UGT1A10: variants seen among roughly 807,000 people sequenced by gnomAD.
UGT1A10 encodes the protein UDP glucuronosyltransferase family 1 member A10, also known as UDP-glucuronosyltransferase 1A10.
A neutral mutation model predicts 45.8 loss-of-function variants in UGT1A10; 49 were observed. That is an observed-to-expected ratio of 1.07 (90% CI 0.85 to 1.36). UGT1A10 has a LOEUF of 1.36. Among genes scored for constraint, UGT1A10 ranks in the 40% most tolerant of loss-of-function variants. The pLI, the probability that UGT1A10 is intolerant of heterozygous loss-of-function variation, is 0.00. For missense variants in UGT1A10, 745 were observed against 668.6 expected (o/e 1.11, Z -1.26); for synonymous variants, 284 against 249.7 (o/e 1.14, Z -1.29).
At chr2:233,672,086 G>A in intron 1 of UGT1A10, 1 of 1,614,028 alleles carries the variant, frequency 6.2e-7, no homozygotes, top group Non-Finnish European at 8.5e-7. Flanking sequence ...CTCATTCTCA[G>A]GGGGCATGAG....
rs1699290986 is a variant in UGT1A10 at position 233,766,960 on chromosome 2, A to T, written c.856-74A>T. 4.4e-6 allele frequency: 7 copies of T among 1,607,258 alleles called. No homozygotes were observed. The South Asian group carries it at 7.8e-5, about 18-fold the overall frequency. On this transcript the variant is annotated intron_variant, in intron 1 of 4. Transcript: ENST00000344644. ...CATAGTCTTAAGAGGAAGATATCTA[A>T]TTCATAACTTACTGTATGTAGTCAT...
chr2:233,736,451 C>T (rs1167369178), intron 1 of UGT1A10, among the ~76,000 whole-genome samples: 3 of 152,120 alleles, frequency 2.0e-5, no homozygotes, highest in Non-Finnish European at 2.9e-5. Context: ...GCAATAGGTT[C>T]GAACATGCAC....
At chr2:233,712,852 G>A (rs2076258090) in intron 1 of UGT1A10, 16 of 1,544,082 alleles carry the variant, frequency 1.0e-5, no homozygotes, top group Non-Finnish European at 1.4e-5. Context: ...CGGGTAATAA[G>A]TAACTGGAGG....
At chr2:233,669,976 C>T (rs540454280) in intron 1 of UGT1A10, among the ~76,000 whole-genome samples, 17 of 152,234 alleles carry the variant, frequency 1.1e-4, no homozygotes, top group South Asian at 2.1e-4. Flanking sequence ...TGAGCCACCA[C>T]GCCCAGCACA....
chr2:233,712,916 G>C, intron 1 of UGT1A10: 2 of 1,611,516 alleles, frequency 1.2e-6, no homozygotes, highest in South Asian at 2.2e-5. Context: ...CAGTGACAAG[G>C]TAATTAAGAC....
intron 1 of UGT1A10, among the ~76,000 whole-genome samples, chr2:233,705,201 A>C (rs1219685383): frequency 1.3e-5 from 2 of 151,986 alleles, no homozygotes; most frequent in Non-Finnish European, 2.9e-5. Flanking sequence ...TGCCTTTTAT[A>C]ACTACATGAT....
intron 1 of UGT1A10, chr2:233,693,200 C>A (rs1287023283): frequency 6.2e-7 from 1 of 1,614,122 alleles, no homozygotes; most frequent in Admixed American, 1.7e-5. Context: ...AGTTAATTTG[C>A]TTTTGAAAGA....
At chr2:233,653,949 T>C (rs1171168219) in intron 1 of UGT1A10, among the ~76,000 whole-genome samples, 3 of 152,224 alleles carry the variant, frequency 2.0e-5, no homozygotes, top group African/African-American at 7.2e-5. Flanking sequence ...ATCTCTTCAT[T>C]ATTGAGGACA....
intron 1 of UGT1A10, among the ~76,000 whole-genome samples, chr2:233,749,604 A>G (rs7556676): frequency 0.45 from 68,782 of 151,558 alleles, 16,251 homozygotes; most frequent in South Asian, 0.58. Flanking sequence ...GTCACACTAG[A>G]TTTATCATGA....
At chr2:233,713,549 GT>G (rs1302335966) in intron 1 of UGT1A10, 3 of 1,613,868 alleles carry the variant, frequency 1.9e-6, no homozygotes, top group Non-Finnish European at 2.5e-6. Context: ...AGGGCACACA[GT>G]GTCCAAACCC....
At chr2:233,726,426 T>C (rs554048011) in intron 1 of UGT1A10, among the ~76,000 whole-genome samples, 1 of 152,328 alleles carries the variant, frequency 6.6e-6, no homozygotes, top group East Asian at 1.9e-4. Flanking sequence ...TTCTGTCCAC[T>C]CTTAATCTTA....
intron 1 of UGT1A10, chr2:233,729,551 A>G (rs749535297): frequency 1.9e-6 from 3 of 1,614,038 alleles, no homozygotes; most frequent in Non-Finnish European, 2.5e-6. Flanking sequence ...AGGCACCTGA[A>G]TGCTACTTCC....
intron 1 of UGT1A10, chr2:233,729,207 G>C (rs6706232): frequency 6.2e-7 from 1 of 1,613,766 alleles, no homozygotes; most frequent in Non-Finnish European, 8.5e-7. Flanking sequence ...CCTGGGCTGA[G>C]AGTGGAAAGG....
intron 1 of UGT1A10, among the ~76,000 whole-genome samples, chr2:233,757,413 A>T (rs1189718931): frequency 6.6e-6 from 1 of 151,560 alleles, no homozygotes; most frequent in Non-Finnish European, 1.5e-5. Context: ...AGGGTCTAGA[A>T]CGAAAAGAGA....
At position 233,703,223 on chromosome 2, in the gene UGT1A10, T is replaced by C. The variant is rs529821156; in HGVS notation, c.856-63811T>C. ...GTCAATTTTATCTAAGTTATCTAAT[T>C]CCTTGGCATAAAATGGCCCAGAGTG... is the stretch of plus-strand genomic sequence containing the variant. On this transcript the variant is annotated intron_variant, in intron 1 of 4. Coordinates refer to ENST00000344644, the MANE Select transcript of UGT1A10 (RefSeq NM_019075.4). Among the ~76,000 whole-genome samples the C allele has an allele frequency of 7.9e-5, 12 of 152,310 alleles. No homozygotes were observed. In the South Asian group the frequency reaches 2.5e-3, roughly 32 times the overall value.
In UGT1A10 at chr2:233,693,578, A is replaced by G. The variant is rs754174364; in HGVS notation, c.855+56201A>G. On this transcript the variant is annotated intron_variant, in intron 1 of 4. Coordinates refer to ENST00000344644, the MANE Select transcript of UGT1A10 (RefSeq NM_019075.4). ...CAGAAGCCCAGACCCTGTGTCCTAC[A>G]TTCCCAGGTGCTACACAAAGTTTTC... 1.2e-5 allele frequency: 19 copies of G among 1,614,074 alleles called. 1 individual carries two copies. The highest frequency in any genetic ancestry group is 3.3e-4 in the Middle Eastern group (2 of 6,084).
intron 1 of UGT1A10, chr2:233,681,811 A>C: frequency 6.7e-7 from 1 of 1,488,258 alleles, no homozygotes; most frequent in Non-Finnish European, 8.9e-7. Context: ...GTGAATGTGA[A>C]TTTTTTTTTA....
In UGT1A10 at chr2:233,737,002, C is replaced by T. The variant is rs534387073; in HGVS notation, c.856-30032C>T. On this transcript the variant is annotated intron_variant, in intron 1 of 4. Transcript: ENST00000344644. ...TCAAGATACACAGAGGTCAGGGACC[C>T]GCTTGAGGAGGCAGTCTGTCCATTC... Among the ~76,000 whole-genome samples, 262 of 152,308 alleles carry T rather than the reference C, an allele frequency of 1.7e-3. 1 individual carries two copies. Among genetic ancestry groups the T allele is most frequent in the South Asian group, 4.4e-3 (21 of 4,826 alleles).
intron 1 of UGT1A10, among the ~76,000 whole-genome samples, chr2:233,711,893 G>C (rs2076203137): frequency 6.6e-6 from 1 of 152,200 alleles, no homozygotes; most frequent in South Asian, 2.1e-4. Flanking sequence ...CGAGTCTCAT[G>C]GGCGTGAGAC....
Sources: allele counts gnomAD v4.1 joint callset (sites outside exome capture counted in the v4.1 genomes callset), GRCh38; gene constraint gnomAD v4.1.1; transcripts MANE v1.5; gene names NCBI Gene and HGNC (gene_info 2026-07-23, HGNC 2026-07-21).